Variants in DPY30 observed in about 807,000 individuals in gnomAD.
DPY30 encodes dpy-30 histone methyltransferase complex regulatory subunit, also known as protein dpy-30 homolog.
DPY30 carries 6 observed loss-of-function variants against 16.2 expected under a neutral mutation model. The ratio of observed to expected loss-of-function variants is 0.37; its 90% CI spans 0.20 to 0.73. DPY30 has a LOEUF of 0.73. Among genes scored for constraint, DPY30 ranks in the 30% least tolerant of loss-of-function variants. The pLI, the probability that DPY30 is intolerant of heterozygous loss-of-function variation, is 0.51. For synonymous variants in DPY30, 39 were observed against 38.8 expected (o/e 1.00, Z -0.02); for missense variants, 73 against 113.1 (o/e 0.65, Z 1.61).
At chr2:32,037,792 A>T (rs1675803120) in intron 3 of DPY30, among the ~76,000 whole-genome samples, 1 of 151,922 alleles carries the variant, frequency 6.6e-6, no homozygotes, top group Non-Finnish European at 1.5e-5. Context: ...ACCTCAAGTG[A>T]TCTGCCCACC....
chr2:32,023,746 G>T, downstream of DPY30: 1 of 1,304,598 alleles, frequency 7.7e-7, no homozygotes, highest in Non-Finnish European at 1.0e-6. Flanking sequence ...ACAATGCTGA[G>T]AAAAATTGGC....
At chr2:32,035,932 C>T (rs1675716951) in intron 3 of DPY30, among the ~76,000 whole-genome samples, 3 of 133,418 alleles carry the variant, frequency 2.2e-5, no homozygotes, top group Non-Finnish European at 3.1e-5. Context: ...GACTCAGTCT[C>T]GAAGAAAAAA....
chr2:32,012,038 G>C (rs867993459), exon 6 of DPY30: 2 of 152,226 alleles, frequency 1.3e-5, no homozygotes, highest in African/African-American at 4.8e-5. Flanking sequence ...CCTGGGCAAC[G>C]TACGTAGCAA....
In DPY30 at chr2:32,035,936, G is replaced by GAA. The variant is rs762915217; in HGVS notation, c.84+3341_84+3342dup. 1.4e-4 allele frequency among the ~76,000 whole-genome samples: 7 copies of GAA among 50,328 alleles called. No homozygotes were observed. In the South Asian group the frequency reaches 1.8e-3, roughly 13 times the overall value. The allele number at this position is 50,328 out of a possible 152,430, so 33.0% of individuals were successfully genotyped here. A position where few individuals can be genotyped will look rare whatever the true frequency, so the allele number is the denominator to read the frequency against. ...CGACAGAGCAAGACTCAGTCTCGAA[G>GAA]AAAAAAAAAAAAAAAAAGAAAAAGA... On this transcript the variant is annotated intron_variant, in intron 3 of 4. Transcript: ENST00000342166.
At chr2:32,029,502 T>TA in intron 4 of DPY30, 92 bp downstream of exon 4, 9 of 1,448,276 alleles carry the variant, frequency 6.2e-6, no homozygotes, top group Non-Finnish European at 8.5e-6. Context: ...AATCACACAG[T>TA]AAAAAGTCGC....
chr2:32,033,408 C>T (rs1306570607), intron 3 of DPY30, among the ~76,000 whole-genome samples: 1 of 152,182 alleles, frequency 6.6e-6, no homozygotes, highest in African/African-American at 2.4e-5. Context: ...CATGGTGGCT[C>T]ACGCCTGTAA....
intron 5 of DPY30, among the ~76,000 whole-genome samples, chr2:32,014,556 T>G (rs550833838): frequency 6.6e-6 from 1 of 151,386 alleles, no homozygotes; most frequent in East Asian, 2.0e-4. Context: ...CGGTCTCGGC[T>G]CACTGCAAGC....
intron 5 of DPY30, among the ~76,000 whole-genome samples, chr2:32,014,696 G>A (rs1351325909): frequency 2.0e-5 from 3 of 151,900 alleles, no homozygotes; most frequent in African/African-American, 7.3e-5. Context: ...TGTTAGCCAG[G>A]ATGGTTTCGA....
downstream of DPY30, among the ~76,000 whole-genome samples, chr2:32,019,798 C>T (rs1202023961): frequency 2.4e-5 from 2 of 84,468 alleles, no homozygotes; most frequent in Non-Finnish European, 4.7e-5. Context: ...CCAGCCTGGG[C>T]AAAAAGAGCA....
At chr2:32,029,472 T>G in intron 4 of DPY30, 122 bp downstream of exon 4, 2 of 1,209,954 alleles carry the variant, frequency 1.7e-6, no homozygotes, top group Non-Finnish European at 2.3e-6. Flanking sequence ...AATACTTTCT[T>G]AAAAACTTTA....
At chr2:32,039,253 T>C in intron 3 of DPY30, 26 bp downstream of exon 3, 1 of 1,614,132 alleles carries the variant, frequency 6.2e-7, no homozygotes, top group South Asian at 1.1e-5. Flanking sequence ...ACAACACAGA[T>C]GAGGCATAGG....
chr2:32,027,531 C>CA (rs370515191), intron 4 of DPY30, among the ~76,000 whole-genome samples: 12,845 of 68,676 alleles, frequency 0.19, 712 homozygotes, highest in Middle Eastern at 0.27. Flanking sequence ...AACTCTGTCT[C>CA]AAAAAAAAAA....
Position 32,024,093 on chromosome 2 carries a change from CA to C in DPY30, c.*90del, listed in dbSNP as rs1675247831. 1 of 1,540,544 alleles carries C rather than the reference CA, an allele frequency of 6.5e-7. No individual in the cohort carries two copies. ...GTTGTCCGGAAGGTTCTTATACATC[CA>C]AAAAGAGGGAATGATCATGGCAATT... On this transcript the variant is annotated 3_prime_UTR_variant, in exon 5 of 5. Coordinates refer to ENST00000342166, the MANE Select transcript of DPY30 (RefSeq NM_001321209.2).
intron 3 of DPY30, among the ~76,000 whole-genome samples, chr2:32,036,006 A>G (rs1675723197): frequency 6.7e-6 from 1 of 150,108 alleles, no homozygotes; most frequent in Non-Finnish European, 1.5e-5. Context: ...TTTTTCTGAG[A>G]CAGGGTCTCA....
chr2:32,037,833 A>G (rs1434446482), intron 3 of DPY30, among the ~76,000 whole-genome samples: 1 of 151,958 alleles, frequency 6.6e-6, no homozygotes. Flanking sequence ...GATTACAAGC[A>G]TGAGCCACCA....
chr2:32,038,682 C>CTCTGCAG (rs1251756771), intron 3 of DPY30, among the ~76,000 whole-genome samples: 8 of 128,514 alleles, frequency 6.2e-5, no homozygotes, highest in Admixed American at 9.0e-5. Flanking sequence ...CGGAGTCTCA[C>CTCTGCAG]TCTGCCGCCC....
downstream of DPY30, among the ~76,000 whole-genome samples, chr2:32,022,412 A>T (rs1331838361): frequency 6.6e-6 from 1 of 152,116 alleles, no homozygotes; most frequent in Non-Finnish European, 1.5e-5. Context: ...TAAACCAAAA[A>T]CATAATACCT....
intron 3 of DPY30, among the ~76,000 whole-genome samples, chr2:32,036,411 C>T (rs181719085): frequency 6.6e-6 from 1 of 152,184 alleles, no homozygotes; most frequent in Admixed American, 6.5e-5. Context: ...GTGGCTCACG[C>T]CTGTAATCCC....
At chr2:32,026,556 C>T (rs1455868658) in intron 4 of DPY30, among the ~76,000 whole-genome samples, 4 of 152,268 alleles carry the variant, frequency 2.6e-5, no homozygotes, top group Admixed American at 6.5e-5. Context: ...TTCAGGAGGC[C>T]GAGGCAGGCA....
Sources: allele counts gnomAD v4.1 joint callset (sites outside exome capture counted in the v4.1 genomes callset), GRCh38; gene constraint gnomAD v4.1.1; transcripts MANE v1.5; gene names NCBI Gene and HGNC (gene_info 2026-07-23, HGNC 2026-07-21).